AUTS2: variants seen among roughly 807,000 people sequenced by gnomAD.
AUTS2 encodes the protein activator of transcription and developmental regulator AUTS2.
A neutral mutation model predicts 112.4 loss-of-function variants in AUTS2; 17 were observed. The ratio of observed to expected loss-of-function variants is 0.15; its 90% CI spans 0.10 to 0.23. The LOEUF is 0.23. Among genes scored for constraint, AUTS2 ranks in the 10% least tolerant of loss-of-function variants. AUTS2 has a pLI of 1.00. For missense variants in AUTS2, 1,510 were observed against 1,701.6 expected (o/e 0.89, Z 1.98); for synonymous variants, 751 against 702.7 (o/e 1.07, Z -1.09).
intron 4 of AUTS2, among the ~76,000 whole-genome samples, chr7:70,361,781 G>T (rs922040077): frequency 2.6e-5 from 4 of 152,152 alleles, no homozygotes; most frequent in African/African-American, 9.7e-5. Context: ...TGGCTAGGTG[G>T]CTGGGTTCTG....
intron 4 of AUTS2, among the ~76,000 whole-genome samples, chr7:70,331,107 A>G (rs536924205): frequency 6.6e-6 from 1 of 152,092 alleles, no homozygotes; most frequent in South Asian, 2.1e-4. Context: ...TGTTTGTAAT[A>G]GTTTCAGAAG....
chr7:70,654,246 G>A (rs759075331), intron 5 of AUTS2, among the ~76,000 whole-genome samples: 6 of 152,110 alleles, frequency 3.9e-5, no homozygotes, highest in Non-Finnish European at 8.8e-5. Context: ...CTAAACCAGG[G>A]GTCAGCAAAC....
chr7:70,077,771 AC>A (rs1424429795), intron 2 of AUTS2, among the ~76,000 whole-genome samples: 1 of 152,110 alleles, frequency 6.6e-6, no homozygotes, highest in Non-Finnish European at 1.5e-5. Context: ...GCACTCTCTG[AC>A]CAGGATTGTT....
chr7:70,101,385 G>A (rs201868226), intron 2 of AUTS2, among the ~76,000 whole-genome samples: 21 of 149,054 alleles, frequency 1.4e-4, no homozygotes, highest in African/African-American at 2.5e-4. Flanking sequence ...AAAAAAAAAA[G>A]AAAAAAAGGG....
chr7:70,786,297 A>T (rs1259872699), intron 17 of AUTS2, among the ~76,000 whole-genome samples: 2 of 152,216 alleles, frequency 1.3e-5, no homozygotes, highest in African/African-American at 4.8e-5. Context: ...AAGTTTACTC[A>T]AGTGCGGAGT....
intron 5 of AUTS2, among the ~76,000 whole-genome samples, chr7:70,674,614 TCTC>T (rs1386235212): frequency 6.6e-6 from 1 of 152,186 alleles, no homozygotes; most frequent in African/African-American, 2.4e-5. Flanking sequence ...AACCTGGCCT[TCTC>T]CACCTCCTCT....
At chr7:70,645,959 G>A (rs1367767526) in intron 5 of AUTS2, among the ~76,000 whole-genome samples, 1 of 151,806 alleles carries the variant, frequency 6.6e-6, no homozygotes, top group African/African-American at 2.4e-5. Flanking sequence ...TTCTTTGGCC[G>A]TTAACAGAGG....
At chr7:70,438,521 G>A (rs1795988524) in intron 5 of AUTS2, among the ~76,000 whole-genome samples, 1 of 152,090 alleles carries the variant, frequency 6.6e-6, no homozygotes, top group Admixed American at 6.5e-5. Flanking sequence ...CATTTCTCCA[G>A]GGGGCTCCCA....
chr7:69,997,942 C>A (rs1799020525), intron 2 of AUTS2, among the ~76,000 whole-genome samples: 2 of 152,126 alleles, frequency 1.3e-5, no homozygotes, highest in African/African-American at 2.4e-5. Flanking sequence ...GACTTATAAA[C>A]CCAGGTGTGC....
intron 5 of AUTS2, among the ~76,000 whole-genome samples, chr7:70,530,796 C>T (rs1400858274): frequency 1.3e-5 from 2 of 152,176 alleles, no homozygotes; most frequent in Admixed American, 6.5e-5. Context: ...TCTTCTCTCT[C>T]CTGCTTTCCT....
At chr7:70,334,059 G>A (rs1267737887) in intron 4 of AUTS2, among the ~76,000 whole-genome samples, 1 of 152,090 alleles carries the variant, frequency 6.6e-6, no homozygotes, top group East Asian at 1.9e-4. Flanking sequence ...AATAATGTCT[G>A]CAAATAGAGA....
At chr7:70,605,450 GT>G (rs1803682385) in intron 5 of AUTS2, among the ~76,000 whole-genome samples, 1 of 149,822 alleles carries the variant, frequency 6.7e-6, no homozygotes, top group African/African-American at 2.5e-5. Flanking sequence ...ATCAACTCAC[GT>G]TTACTACCAG....
chr7:69,790,436 G>T (rs1032316024), intron 1 of AUTS2, among the ~76,000 whole-genome samples: 3 of 152,212 alleles, frequency 2.0e-5, no homozygotes. Flanking sequence ...GGGAGAAAAG[G>T]GTGGTGGGAG....
At chr7:69,806,386 G>A (rs1475463159) in intron 1 of AUTS2, among the ~76,000 whole-genome samples, 2 of 151,880 alleles carry the variant, frequency 1.3e-5, no homozygotes, top group Admixed American at 6.6e-5. Flanking sequence ...TGATGTATGA[G>A]GCATTATTCT....
chr7:69,842,738 A>G (rs1394816980), intron 1 of AUTS2, among the ~76,000 whole-genome samples: 1 of 152,180 alleles, frequency 6.6e-6, no homozygotes, highest in East Asian at 1.9e-4. Flanking sequence ...CAGAGAGCCT[A>G]AAGTTAAGTG....
intron 1 of AUTS2, among the ~76,000 whole-genome samples, chr7:69,837,110 T>C (rs1355167203): frequency 6.6e-6 from 1 of 152,126 alleles, no homozygotes; most frequent in Non-Finnish European, 1.5e-5. Flanking sequence ...GGATGATGGC[T>C]AAAAGGACTA....
intron 4 of AUTS2, among the ~76,000 whole-genome samples, chr7:70,381,851 C>T (rs1793380760): frequency 6.6e-6 from 1 of 152,140 alleles, no homozygotes; most frequent in Non-Finnish European, 1.5e-5. Flanking sequence ...TTATATTGCA[C>T]TCCCGTTGAT....
At chr7:70,285,918 C>T (rs1023771853) in intron 4 of AUTS2, among the ~76,000 whole-genome samples, 13 of 152,202 alleles carry the variant, frequency 8.5e-5, no homozygotes, top group Non-Finnish European at 1.8e-4. Flanking sequence ...GTTTGAATTA[C>T]TAAATGAAAG....
chr7:70,583,330 A>G lies in AUTS2; in HGVS notation c.691-115239A>G, dbSNP rs1585332034. Reference sequence around the variant, plus strand: ...GGCAGCACCACAGCCTAACAAGCTCAAGGTCTGCCTTGTGGAGCTGGCTGC... The same window carrying G: ...GGCAGCACCACAGCCTAACAAGCTCGAGGTCTGCCTTGTGGAGCTGGCTGC... On this transcript the variant is annotated intron_variant, in intron 5 of 18. Coordinates refer to ENST00000342771, the MANE Select transcript of AUTS2 (RefSeq NM_015570.4). Among the ~76,000 whole-genome samples the G allele has an allele frequency of 2.6e-5, 4 of 152,332 alleles. No individual in the cohort carries two copies. The East Asian group carries it at 5.8e-4, about 22-fold the overall frequency.
Sources: allele counts gnomAD v4.1 joint callset (sites outside exome capture counted in the v4.1 genomes callset), GRCh38; gene constraint gnomAD v4.1.1; transcripts MANE v1.5; gene names NCBI Gene and HGNC (gene_info 2026-07-23, HGNC 2026-07-21).